Variants in MDGA2 observed in about 807,000 individuals in gnomAD.
MDGA2 encodes MAM domain containing glycosylphosphatidylinositol anchor 2.
In MDGA2, 40 loss-of-function variants were observed where a neutral mutation model predicts 117.8. The ratio of observed to expected loss-of-function variants is 0.34; its 90% CI spans 0.26 to 0.44. The LOEUF (loss-of-function observed/expected upper bound fraction) is 0.44. Ranked by LOEUF, MDGA2 falls within the 20% of genes least tolerant of loss-of-function variation. The probability of loss-of-function intolerance (pLI) is 1.00; values close to 1 mark genes in which losing one functional copy is unlikely to be tolerated. For synonymous variants in MDGA2, 452 were observed against 439.0 expected, an observed-to-expected ratio of 1.03 and a Z score of -0.37; for missense variants, 1,123 against 1,250.6, an observed-to-expected ratio of 0.90 and a Z score of 1.54.
At chr14:47,058,821 A>G in intron 7 of MDGA2, 1 of 985,646 alleles carries the variant, frequency 1.0e-6, no homozygotes, top group Non-Finnish European at 1.2e-6. Context: ...TTCTATCACA[A>G]TAAAATCTCC....
chr14:47,501,154 C>G (rs1001853605), intron 1 of MDGA2, among the ~76,000 whole-genome samples: 5 of 152,118 alleles, frequency 3.3e-5, no homozygotes, highest in Admixed American at 1.3e-4. Context: ...CTGAATATTA[C>G]TACCAGTTTA....
intron 1 of MDGA2, among the ~76,000 whole-genome samples, chr14:47,609,513 T>C (rs1432676045): frequency 2.2e-5 from 3 of 137,892 alleles, no homozygotes; most frequent in Non-Finnish European, 4.7e-5. Flanking sequence ...GTTGGTTCCA[T>C]GATTTTGCAA....
At chr14:47,421,283 T>A (rs1892573627) in intron 1 of MDGA2, among the ~76,000 whole-genome samples, 1 of 152,170 alleles carries the variant, frequency 6.6e-6, no homozygotes, top group Non-Finnish European at 1.5e-5. Context: ...ATGAGGCATT[T>A]AATTTAGGTA....
At chr14:46,894,285 A>G (rs1007543290) in intron 10 of MDGA2, among the ~76,000 whole-genome samples, 1 of 152,072 alleles carries the variant, frequency 6.6e-6, no homozygotes, top group Non-Finnish European at 1.5e-5. Context: ...ATTACCCAAT[A>G]TTGTCCAATT....
Position 46,983,918 on chromosome 14 carries a change from T to C in MDGA2, c.1820-26275A>G, listed in dbSNP as rs542087706. Among the ~76,000 whole-genome samples, 284 of 152,082 alleles carry C rather than the reference T, an allele frequency of 1.9e-3. 2 individuals carry two copies. Among genetic ancestry groups the C allele is most frequent in the African/African-American group, 6.3e-3 (263 of 41,520 alleles). ...ATTTAAGTGCATAGAATTAATATTA[T>C]AATTAACATGAATAGAATATTACAA... On this transcript the variant is annotated intron_variant, in intron 8 of 16. Coordinates refer to ENST00000399232, the MANE Select transcript of MDGA2 (RefSeq NM_001113498.3).
chr14:47,336,506 G>A (rs747119314), intron 1 of MDGA2, among the ~76,000 whole-genome samples: 18 of 151,848 alleles, frequency 1.2e-4, no homozygotes, highest in African/African-American at 1.2e-4. Context: ...TATTTTTGAC[G>A]TATAAGTAAC....
chr14:47,250,607 T>C (rs1887413221), intron 2 of MDGA2, among the ~76,000 whole-genome samples: 1 of 152,140 alleles, frequency 6.6e-6, no homozygotes, highest in African/African-American at 2.4e-5. Context: ...GAGAGGACAG[T>C]GGGCCCTCAC....
At chr14:47,324,994 C>G (rs961955546) in intron 1 of MDGA2, among the ~76,000 whole-genome samples, 1 of 151,740 alleles carries the variant, frequency 6.6e-6, no homozygotes, top group Non-Finnish European at 1.5e-5. Context: ...AGTAGAAGAA[C>G]GGTGCTATAA....
chr14:47,200,586 G>T, intron 3 of MDGA2: 3 of 1,072,852 alleles, frequency 2.8e-6, no homozygotes, highest in African/African-American at 1.6e-5. Context: ...CAGACCAGGA[G>T]TCCGTGAGTC....
At position 47,508,856 on chromosome 14, in the gene MDGA2, T is replaced by A. The variant is rs184974460; in HGVS notation, c.280+165661A>T. On this transcript the variant is annotated intron_variant, in intron 1 of 16. Coordinates refer to ENST00000399232, the MANE Select transcript of MDGA2 (RefSeq NM_001113498.3). ...CACTATGCCCGGCTAATTTTTAAAT[T>A]TTTTTTTGTATTTTTAGTAGAGACG... Among the ~76,000 whole-genome samples the A allele has an allele frequency of 5.9e-4, 90 of 152,136 alleles. No individual in the cohort carries two copies. In the East Asian group the frequency reaches 0.012, roughly 21 times the overall value.
chr14:47,626,909 G>A (rs925217603), intron 1 of MDGA2, among the ~76,000 whole-genome samples: 15 of 152,390 alleles, frequency 9.8e-5, no homozygotes, highest in Admixed American at 7.8e-4. Context: ...CGCTGGACTG[G>A]CAGGCAGCTC....
chr14:47,500,163 G>A (rs1412448032), intron 1 of MDGA2, among the ~76,000 whole-genome samples: 2 of 152,032 alleles, frequency 1.3e-5, no homozygotes, highest in Non-Finnish European at 2.9e-5. Flanking sequence ...AAACTATGTT[G>A]AACACATTTC....
chr14:46,974,133 G>C (rs563292734), intron 8 of MDGA2, among the ~76,000 whole-genome samples: 82 of 152,092 alleles, frequency 5.4e-4, no homozygotes, highest in African/African-American at 1.9e-3. Flanking sequence ...AGTAAAATAT[G>C]TAAGAATTCA....
Position 46,910,778 on chromosome 14 carries a change from C to T in MDGA2, c.2238+9234G>A, listed in dbSNP as rs540756759. Among the ~76,000 whole-genome samples, 11 of 152,226 alleles carry T rather than the reference C, an allele frequency of 7.2e-5. 1 individual carries two copies. The highest frequency in any genetic ancestry group is 3.9e-4 in the East Asian group (2 of 5,174). On this transcript the variant is annotated intron_variant, in intron 10 of 16. Transcript: ENST00000399232. ...CCAATGGTAGACTGGATAAACAAAA[C>T]GTGGTACATATGCACCAAGGAATGC...
intron 1 of MDGA2, among the ~76,000 whole-genome samples, chr14:47,314,244 T>G (rs1889732151): frequency 6.6e-6 from 1 of 152,188 alleles, no homozygotes; most frequent in Admixed American, 6.6e-5. Flanking sequence ...TAATGCTTAA[T>G]GGAACCATGT....
chr14:47,476,373 A>T (rs1893837711), intron 1 of MDGA2, among the ~76,000 whole-genome samples: 1 of 152,158 alleles, frequency 6.6e-6, no homozygotes. Flanking sequence ...ACACACGTAA[A>T]CAACTTAGGT....
At chr14:47,623,555 T>C (rs1278022817) in intron 1 of MDGA2, among the ~76,000 whole-genome samples, 2 of 152,204 alleles carry the variant, frequency 1.3e-5, no homozygotes, top group African/African-American at 4.8e-5. Context: ...ATGTCTTAAG[T>C]GATCTAAGGG....
intron 1 of MDGA2, among the ~76,000 whole-genome samples, chr14:47,492,056 C>A (rs1236572696): frequency 6.6e-6 from 1 of 152,028 alleles, no homozygotes; most frequent in Admixed American, 6.6e-5. Flanking sequence ...TGTGACCATT[C>A]GAGAACATTT....
At chr14:47,543,700 ATC>A (rs1317590889) in intron 1 of MDGA2, among the ~76,000 whole-genome samples, 2 of 152,204 alleles carry the variant, frequency 1.3e-5, no homozygotes, top group African/African-American at 4.8e-5. Flanking sequence ...GTCATAAATC[ATC>A]TAATCTAGTC....
Sources: gnomAD v4.1 joint callset for allele counts (sites outside exome capture counted in the v4.1 genomes callset) on GRCh38, gnomAD v4.1.1 for gene constraint, MANE v1.5 for transcripts, NCBI Gene and HGNC (gene_info 2026-07-23, HGNC 2026-07-21) for gene names.